CNTNAP2: variants seen among roughly 807,000 people sequenced by gnomAD.
The protein encoded by CNTNAP2 is contactin-associated protein-like 2.
CNTNAP2 carries 98 observed loss-of-function variants against 155.2 expected under a neutral mutation model. The ratio of observed to expected loss-of-function variants is 0.63; its 90% CI spans 0.54 to 0.75. The LOEUF (loss-of-function observed/expected upper bound fraction) is 0.75. CNTNAP2 is among the 30% of genes least tolerant of loss of function. The pLI is 0.00. For synonymous variants in CNTNAP2, 651 were observed against 631.2 expected, an observed-to-expected ratio of 1.03 and a Z score of -0.47; for missense variants, 1,727 against 1,688.1, an observed-to-expected ratio of 1.02 and a Z score of -0.40.
Position 148,172,483 on chromosome 7 carries a change from G to A in CNTNAP2, c.3010+5G>A, listed in dbSNP as rs373422045. On this transcript the variant is annotated splice_donor_5th_base_variant and intron_variant, in intron 18 of 23. Transcript: ENST00000361727. ...ATGGAACATTTTGCAACAAAGGTAA[G>A]GTGGAACCCATTTCCAGAGCCACTT... 1.6e-5 allele frequency: 26 copies of A among 1,613,208 alleles called. No homozygotes were observed. The African/African-American group carries it at 3.2e-4, about 20-fold the overall frequency.
At chr7:147,616,081 G>T (rs1801286183) in intron 12 of CNTNAP2, among the ~76,000 whole-genome samples, 1 of 151,802 alleles carries the variant, frequency 6.6e-6, no homozygotes, top group Non-Finnish European at 1.5e-5. Context: ...CCCCTGATAG[G>T]TCTCATCCAA....
intron 15 of CNTNAP2, among the ~76,000 whole-genome samples, chr7:147,996,048 A>G (rs1801799012): frequency 6.6e-6 from 1 of 152,304 alleles, no homozygotes; most frequent in East Asian, 1.9e-4. Flanking sequence ...AGGGTCACAC[A>G]CCTATGTTTC....
At chr7:148,233,553 T>C (rs1345553574) in intron 20 of CNTNAP2, among the ~76,000 whole-genome samples, 2 of 152,230 alleles carry the variant, frequency 1.3e-5, no homozygotes, top group African/African-American at 4.8e-5. Context: ...ATCATTTTTA[T>C]TTTATTTAAT....
chr7:146,349,571 C>T (rs1362469383), intron 1 of CNTNAP2, among the ~76,000 whole-genome samples: 1 of 152,112 alleles, frequency 6.6e-6, no homozygotes. Flanking sequence ...CCTTGATGGT[C>T]TTTACATTTT....
At chr7:146,426,960 GC>G (rs1796102427) in intron 1 of CNTNAP2, among the ~76,000 whole-genome samples, 1 of 151,998 alleles carries the variant, frequency 6.6e-6, no homozygotes, top group African/African-American at 2.4e-5. Flanking sequence ...AAAACGTCAT[GC>G]TGTACACCAT....
intron 1 of CNTNAP2, among the ~76,000 whole-genome samples, chr7:146,147,963 C>G (rs942936660): frequency 2.0e-5 from 3 of 151,984 alleles, no homozygotes; most frequent in African/African-American, 7.2e-5. Context: ...GAATGGTTAC[C>G]TTGAAATCAT....
chr7:147,519,451 C>T (rs945540836), intron 11 of CNTNAP2, among the ~76,000 whole-genome samples: 1 of 152,184 alleles, frequency 6.6e-6, no homozygotes, highest in Non-Finnish European at 1.5e-5. Flanking sequence ...TCTGCAAAAT[C>T]CCTTTTGTCA....
chr7:146,996,818 T>C (rs1306169982), intron 3 of CNTNAP2, among the ~76,000 whole-genome samples: 1 of 152,132 alleles, frequency 6.6e-6, no homozygotes, highest in Non-Finnish European at 1.5e-5. Flanking sequence ...GAATTGTAGC[T>C]TCCGTAATTC....
chr7:148,088,496 A>T (rs1475415939), intron 15 of CNTNAP2, among the ~76,000 whole-genome samples: 1 of 152,002 alleles, frequency 6.6e-6, no homozygotes, highest in East Asian at 1.9e-4. Context: ...ATCATAACCT[A>T]TACCACAGAA....
rs181222432 is a variant in CNTNAP2 at position 146,335,865 on chromosome 7, A to G, written c.97+218892A>G. ...GGGAAGAGGGAGACTCTATTCCTTA[A>G]AACAAGGAACACAAAATTAAAAATA... On this transcript the variant is annotated intron_variant, in intron 1 of 23. Coordinates refer to ENST00000361727, the MANE Select transcript of CNTNAP2 (RefSeq NM_014141.6). 1.2e-4 allele frequency among the ~76,000 whole-genome samples: 18 copies of G among 152,252 alleles called. No individual in the cohort carries two copies. In the East Asian group the frequency reaches 3.5e-3, roughly 29 times the overall value.
chr7:147,231,395 T>C (rs923811322), intron 8 of CNTNAP2, among the ~76,000 whole-genome samples: 9 of 152,356 alleles, frequency 5.9e-5, no homozygotes, highest in South Asian at 2.1e-4. Flanking sequence ...GCAATAGACA[T>C]GGGAGAGTAG....
At chr7:146,872,316 A>AT (rs1795329632) in intron 3 of CNTNAP2, among the ~76,000 whole-genome samples, 1 of 152,034 alleles carries the variant, frequency 6.6e-6, no homozygotes, top group African/African-American at 2.4e-5. Flanking sequence ...AAATAGAATT[A>AT]TTTTTTTCTG....
intron 1 of CNTNAP2, among the ~76,000 whole-genome samples, chr7:146,669,971 T>C (rs1320836914): frequency 1.3e-5 from 2 of 152,180 alleles, no homozygotes; most frequent in Non-Finnish European, 2.9e-5. Context: ...AATTTTGTAA[T>C]CTGTAAAAGA....
intron 1 of CNTNAP2, among the ~76,000 whole-genome samples, chr7:146,729,931 T>C (rs984736790): frequency 6.6e-6 from 1 of 152,178 alleles, no homozygotes; most frequent in Non-Finnish European, 1.5e-5. Flanking sequence ...AGTTTTTAGG[T>C]AATCAATCTT....
chr7:146,224,878 A>G (rs1253873614), intron 1 of CNTNAP2, among the ~76,000 whole-genome samples: 1 of 152,160 alleles, frequency 6.6e-6, no homozygotes, highest in Non-Finnish European at 1.5e-5. Flanking sequence ...TAATTTACCA[A>G]GTTTTTCTTC....
In CNTNAP2 at chr7:148,144,131, C is replaced by T. The variant is rs138222176; in HGVS notation, c.2555-3360C>T. Among the ~76,000 whole-genome samples, 179 of 152,312 alleles carry T rather than the reference C, an allele frequency of 1.2e-3. 4 individuals carry two copies. The East Asian group carries it at 0.028, about 24-fold the overall frequency. ...CTCCATGGGTCTCTTCCACTTTTGC[C>T]TGCCTTCTGAGCAAGAAGCATTGAC... On this transcript the variant is annotated intron_variant, in intron 16 of 23. Transcript: ENST00000361727.
At chr7:147,739,320 C>T (rs963794663) in intron 13 of CNTNAP2, among the ~76,000 whole-genome samples, 1 of 151,988 alleles carries the variant, frequency 6.6e-6, no homozygotes, top group East Asian at 1.9e-4. Context: ...AATCTCAATG[C>T]CCTTCTTACT....
intron 15 of CNTNAP2, among the ~76,000 whole-genome samples, chr7:148,024,818 C>CA (rs1802348672): frequency 6.6e-6 from 1 of 152,186 alleles, no homozygotes; most frequent in South Asian, 2.1e-4. Flanking sequence ...CTCTGGGCCA[C>CA]ACCAGAGAAG....
Position 146,229,049 on chromosome 7 carries a change from A to C in CNTNAP2, c.97+112076A>C, listed in dbSNP as rs78644210. 9.6e-3 allele frequency among the ~76,000 whole-genome samples: 1,466 copies of C among 152,326 alleles called. 14 individuals are homozygous for C. Among genetic ancestry groups the C allele is most frequent in the Non-Finnish European group, 0.016 (1,058 of 68,020 alleles). On this transcript the variant is annotated intron_variant, in intron 1 of 23. Coordinates refer to ENST00000361727, the MANE Select transcript of CNTNAP2 (RefSeq NM_014141.6). ...CACATGAGTTTACAGATTAATATTC[A>C]TATAAAACTATATATCTTTCAGCAT...
Sources: allele counts gnomAD v4.1 joint callset (sites outside exome capture counted in the v4.1 genomes callset), GRCh38; gene constraint gnomAD v4.1.1; transcripts MANE v1.5; gene names NCBI Gene and HGNC (gene_info 2026-07-23, HGNC 2026-07-21).